Variants in ARMH3 observed in about 807,000 individuals in gnomAD.
ARMH3 encodes armadillo like helical domain containing 3.
A neutral mutation model predicts 99.1 loss-of-function variants in ARMH3; 60 were observed. The observed-to-expected ratio is 0.61, with a 90% CI of 0.49 to 0.75. ARMH3 has a LOEUF of 0.75. Among genes scored for constraint, ARMH3 ranks in the 30% least tolerant of loss-of-function variants. The probability of loss-of-function intolerance (pLI) is 0.00; values close to 1 mark genes in which losing one functional copy is unlikely to be tolerated. For synonymous variants in ARMH3, 285 were observed against 292.8 expected (o/e 0.97, Z 0.27); for missense variants, 679 against 843.1 (o/e 0.81, Z 2.41).
At chr10:102,055,280 A>G (rs2067814528) in intron 1 of ARMH3, among the ~76,000 whole-genome samples, 1 of 151,914 alleles carries the variant, frequency 6.6e-6, no homozygotes, top group Admixed American at 6.6e-5. Flanking sequence ...CTGGGCGACA[A>G]CAGCGAAACT....
intron 24 of ARMH3, among the ~76,000 whole-genome samples, chr10:101,880,409 T>A (rs944565103): frequency 6.6e-6 from 1 of 152,164 alleles, no homozygotes; most frequent in Non-Finnish European, 1.5e-5. Flanking sequence ...ATGGGGAAAG[T>A]GGGTCACATT....
chr10:101,969,064 G>A (rs1434360739), intron 20 of ARMH3, among the ~76,000 whole-genome samples: 1 of 152,112 alleles, frequency 6.6e-6, no homozygotes, highest in Non-Finnish European at 1.5e-5. Context: ...AGCAGAATGA[G>A]GAAGAGCAAT....
chr10:101,915,900 T>C lies in ARMH3; in HGVS notation c.1781+23963A>G, dbSNP rs760173816. 2.0e-5 allele frequency among the ~76,000 whole-genome samples: 3 copies of C among 149,432 alleles called. No homozygotes were observed. In the East Asian group the frequency reaches 6.1e-4, roughly 30 times the overall value. On this transcript the variant is annotated intron_variant, in intron 23 of 25. Transcript: ENST00000370033. ...CTCACTGCAAGCTCCACCTCCCGGG[T>C]TCATGCCATTCTCCTGCCTCAGCCT...
chr10:101,847,426 TTC>T lies in ARMH3; in HGVS notation c.*100_*101del. ...CACCAAGAGAACTTGGTATCTGTGT[TTC>T]TCTCCAACCTCGGGGGCAGCCCCCT... On this transcript the variant is annotated 3_prime_UTR_variant, in exon 26 of 26. Transcript: ENST00000370033. The T allele has an allele frequency of 1.7e-6, 2 of 1,204,930 alleles. No homozygotes were observed. The highest frequency in any genetic ancestry group is 2.4e-6 in the Non-Finnish European group (2 of 819,276). The allele number at this position is 1,204,930 out of a possible 1,614,324, so 74.6% of individuals were successfully genotyped here.
intron 1 of ARMH3, among the ~76,000 whole-genome samples, chr10:102,050,258 C>A (rs544824116): frequency 6.6e-6 from 1 of 151,900 alleles, no homozygotes; most frequent in East Asian, 1.9e-4. Flanking sequence ...CTGGCTAACA[C>A]GGTGAAACCC....
intron 22 of ARMH3, among the ~76,000 whole-genome samples, chr10:101,951,184 AT>A (rs1844766206): frequency 6.6e-6 from 1 of 152,216 alleles, no homozygotes; most frequent in African/African-American, 2.4e-5. Context: ...TTTGTCAGGG[AT>A]TGTAAGGTAC....
chr10:101,952,586 C>T (rs1380540366), intron 22 of ARMH3: 4 of 152,042 alleles, frequency 2.6e-5, no homozygotes, highest in African/African-American at 4.8e-5. Context: ...ACAATTTACC[C>T]GCTTAACCAC....
At chr10:101,847,847 G>A (rs1042965334) in intron 25 of ARMH3, among the ~76,000 whole-genome samples, 1 of 152,216 alleles carries the variant, frequency 6.6e-6, no homozygotes, top group Non-Finnish European at 1.5e-5. Context: ...TCTGGAGGAT[G>A]TAAGAAGAGC....
intron 23 of ARMH3, among the ~76,000 whole-genome samples, chr10:101,901,545 AC>A (rs1430341397): frequency 6.6e-6 from 1 of 152,026 alleles, no homozygotes; most frequent in Non-Finnish European, 1.5e-5. Context: ...CTGCTCACCC[AC>A]CCACTGTGAC....
In ARMH3 at chr10:101,902,627, T is replaced by C. The variant is rs575585693; in HGVS notation, c.1782-13137A>G. On this transcript the variant is annotated intron_variant, in intron 23 of 25. Coordinates refer to ENST00000370033, the MANE Select transcript of ARMH3 (RefSeq NM_024541.3). ...ACAAAGAGCTGTGGTAGAAAGTGATTTGCAACCTTACTTTCTACCACAGCT... is the reference window on the plus strand; with the variant it reads ...ACAAAGAGCTGTGGTAGAAAGTGATCTGCAACCTTACTTTCTACCACAGCT... Among the ~76,000 whole-genome samples the C allele has an allele frequency of 2.6e-5, 4 of 152,088 alleles. No homozygotes were observed. In the East Asian group the frequency reaches 7.8e-4, roughly 30 times the overall value.
intron 24 of ARMH3, among the ~76,000 whole-genome samples, chr10:101,871,857 T>C (rs1187075785): frequency 1.3e-5 from 2 of 151,836 alleles, no homozygotes; most frequent in Non-Finnish European, 2.9e-5. Flanking sequence ...AAAAATTAGC[T>C]GGGTGTGGTG....
chr10:101,970,284 T>G (rs1480645110), intron 20 of ARMH3, among the ~76,000 whole-genome samples: 1 of 152,206 alleles, frequency 6.6e-6, no homozygotes, highest in Non-Finnish European at 1.5e-5. Context: ...AAGAAATTAC[T>G]AACTACTCTC....
At chr10:101,983,781 T>C (rs1846335926) in intron 19 of ARMH3, among the ~76,000 whole-genome samples, 1 of 152,192 alleles carries the variant, frequency 6.6e-6, no homozygotes, top group African/African-American at 2.4e-5. Context: ...TCTGACTGTT[T>C]ATATGTTTCT....
intron 19 of ARMH3, among the ~76,000 whole-genome samples, chr10:101,985,188 A>ATG (rs748529760): frequency 6.8e-6 from 1 of 147,210 alleles, no homozygotes; most frequent in Non-Finnish European, 1.5e-5. Context: ...ATGAATATAT[A>ATG]TGTGTGTATA....
At position 101,947,967 on chromosome 10, in the gene ARMH3, C is replaced by A. The variant is rs1004315781; in HGVS notation, c.1706-8029G>T. On this transcript the variant is annotated intron_variant, in intron 22 of 25. Coordinates refer to ENST00000370033, the MANE Select transcript of ARMH3 (RefSeq NM_024541.3). ...AATACAAATATAGCCCAAAAGCCAG[C>A]TAATAAATTAAAATGGAATATTTAA... Among the ~76,000 whole-genome samples the A allele has an allele frequency of 7.9e-5, 12 of 151,820 alleles. No homozygotes were observed. In the South Asian group the frequency reaches 2.1e-3, roughly 26 times the overall value.
chr10:102,021,595 T>A (rs1172527993), intron 8 of ARMH3, among the ~76,000 whole-genome samples: 2 of 151,714 alleles, frequency 1.3e-5, no homozygotes, highest in Non-Finnish European at 2.9e-5. Flanking sequence ...TCACCTAGGC[T>A]GGAGTGCAGT....
rs776837056 is a variant in ARMH3, at chr10:101,849,759, G to A, written c.1977+17C>T. ...GGCGGGCCCCTAAGACACAGGCAGA[G>A]GCGGTGGGGCACTCACCAGCTCTTT... On this transcript the variant is annotated intron_variant, in intron 25 of 25. Coordinates refer to ENST00000370033, the MANE Select transcript of ARMH3 (RefSeq NM_024541.3). The A allele has an allele frequency of 2.5e-6, 4 of 1,608,130 alleles. No homozygotes were observed. The African/African-American group carries it at 5.3e-5, about 21-fold the overall frequency.
intron 22 of ARMH3, among the ~76,000 whole-genome samples, chr10:101,954,517 G>A (rs1176655032): frequency 6.6e-6 from 1 of 152,136 alleles, no homozygotes; most frequent in African/African-American, 2.4e-5. Context: ...TGGTTGCTAG[G>A]GGTTGTGCGT....
intron 2 of ARMH3, among the ~76,000 whole-genome samples, 163 bp downstream of exon 2, chr10:102,039,850 C>T (rs2067366516): frequency 6.6e-6 from 1 of 152,214 alleles, no homozygotes; most frequent in Non-Finnish European, 1.5e-5. Context: ...TGATTATAAT[C>T]TCTACTCTGA....
Sources: gnomAD v4.1 joint callset for allele counts (sites outside exome capture counted in the v4.1 genomes callset) on GRCh38, gnomAD v4.1.1 for gene constraint, MANE v1.5 for transcripts, NCBI Gene and HGNC (gene_info 2026-07-23, HGNC 2026-07-21) for gene names.